The following PTPRZ1 variants were observed in gnomAD, a reference collection of about 807,000 sequenced individuals.
The protein encoded by PTPRZ1 is receptor-type tyrosine-protein phosphatase zeta.
PTPRZ1 carries 82 observed loss-of-function variants against 214.1 expected under a neutral mutation model. That is an observed-to-expected ratio of 0.38 (90% confidence interval 0.32 to 0.46). PTPRZ1 has a LOEUF of 0.46. PTPRZ1 is among the 20% of genes least tolerant of loss of function. The probability of loss-of-function intolerance (pLI) is 1.00; values close to 1 mark genes in which losing one functional copy is unlikely to be tolerated. For synonymous variants in PTPRZ1, 945 were observed against 987.9 expected (o/e 0.96, Z 0.81); for missense variants, 2,603 against 2,748.7 (o/e 0.95, Z 1.19).
In PTPRZ1 at chr7:122,028,627, T is replaced by C; in HGVS notation, c.5064T>C (p.Pro1688=). 1 of 1,534,092 alleles carries C rather than the reference T, an allele frequency of 6.5e-7. No individual in the cohort carries two copies. The highest frequency in any genetic ancestry group is 9.0e-7 in the Non-Finnish European group (1 of 1,107,692). Residue 1688 remains proline, a synonymous_variant, in exon 14 of 30, where the codon CCT becomes CCC. Coordinates refer to ENST00000393386, the MANE Select transcript of PTPRZ1 (RefSeq NM_002851.3). ...GAGTTATATCCACACCTCCAACACCTATCTTTCCAATTTCAGGTAATGGCT... is the reference window on the plus strand; with the variant it reads ...GAGTTATATCCACACCTCCAACACCCATCTTTCCAATTTCAGGTAATGGCT... The part of the protein sequence containing the change: ...SPRVISTPPT[P]IFPISDDVGA...
At chr7:121,928,131 A>G (rs1226427823) in intron 1 of PTPRZ1, 25 bp from the exon 2 acceptor site, 1 of 1,548,684 alleles carries the variant, frequency 6.5e-7, no homozygotes, top group African/African-American at 1.4e-5. Context: ...CTACATACTG[A>G]TTACTTGGTT....
intron 1 of PTPRZ1, among the ~76,000 whole-genome samples, chr7:121,900,334 T>C (rs1794921030): frequency 6.6e-6 from 1 of 152,232 alleles, no homozygotes; most frequent in Non-Finnish European, 1.5e-5. Flanking sequence ...GCCTTGTCTC[T>C]GATACCTTTC....
At chr7:121,878,452 C>T (rs1163379252) in intron 1 of PTPRZ1, among the ~76,000 whole-genome samples, 1 of 152,118 alleles carries the variant, frequency 6.6e-6, no homozygotes, top group East Asian at 1.9e-4. Flanking sequence ...TTGAAGTGTT[C>T]GTGCATGTGA....
At chr7:122,060,974 C>T in intron 29 of PTPRZ1, 106 bp from the exon 30 acceptor site, 1 of 1,084,098 alleles carries the variant, frequency 9.2e-7, no homozygotes, top group East Asian at 2.7e-5. Context: ...AACACATTGC[C>T]CTTTCATGAA....
At chr7:121,887,176 G>A (rs1794422417) in intron 1 of PTPRZ1, among the ~76,000 whole-genome samples, 1 of 152,056 alleles carries the variant, frequency 6.6e-6, no homozygotes. Context: ...CAAGGAGTCT[G>A]GTCTCCTCAT....
intron 21 of PTPRZ1, 62 bp from the exon 22 acceptor site, chr7:122,042,546 C>G: frequency 2.0e-6 from 3 of 1,478,406 alleles, no homozygotes; most frequent in Non-Finnish European, 2.7e-6. Context: ...CAGTAGTGAT[C>G]TATTTTTCAA....
chr7:121,921,028 A>G (rs1469191338), intron 1 of PTPRZ1, among the ~76,000 whole-genome samples: 1 of 152,144 alleles, frequency 6.6e-6, no homozygotes, highest in Non-Finnish European at 1.5e-5. Context: ...AGTTATTTGT[A>G]GGGCATAGGA....
Position 122,054,897 on chromosome 7 carries a change from A to T in PTPRZ1, c.6382-44A>T. 7 of 1,514,988 alleles carry T rather than the reference A, an allele frequency of 4.6e-6. No homozygotes were observed. The African/African-American group carries it at 7.1e-5, about 15-fold the overall frequency. The allele number at this position is 1,514,988 out of a possible 1,614,324, so 93.8% of individuals were successfully genotyped here. ...TATTTCACAATCTGACTTATTGGTC[A>T]TTTTATTAAAATCTAGACTCTTCTT... On this transcript the variant is annotated intron_variant, in intron 26 of 29. Coordinates refer to ENST00000393386, the MANE Select transcript of PTPRZ1 (RefSeq NM_002851.3).
chr7:122,023,621 A>G (rs1483994322), intron 13 of PTPRZ1, among the ~76,000 whole-genome samples: 1 of 131,568 alleles, frequency 7.6e-6, no homozygotes, highest in Non-Finnish European at 1.6e-5. Flanking sequence ...ATAATTATAT[A>G]TATTATATGT....
chr7:122,041,522 ATTGTTGCCAAG>A (rs1799734276), intron 21 of PTPRZ1, among the ~76,000 whole-genome samples: 1 of 147,986 alleles, frequency 6.8e-6, no homozygotes, highest in Non-Finnish European at 1.5e-5. Flanking sequence ...TTGTCAATTC[ATTGTTGCCAAG>A]ATTTTTTAAT....
intron 2 of PTPRZ1, among the ~76,000 whole-genome samples, chr7:121,962,776 G>A (rs1294050900): frequency 1.3e-5 from 2 of 151,848 alleles, no homozygotes; most frequent in African/African-American, 4.8e-5. Flanking sequence ...ATATTGGCCA[G>A]GCTGGTCTCG....
chr7:121,983,925 C>T lies in PTPRZ1; in HGVS notation c.778-42C>T, dbSNP rs750291370. 7.5e-6 allele frequency: 12 copies of T among 1,599,186 alleles called. No homozygotes were observed. In the Admixed American group the frequency reaches 1.9e-4, roughly 25 times the overall value. On this transcript the variant is annotated intron_variant, in intron 7 of 29. Coordinates refer to ENST00000393386, the MANE Select transcript of PTPRZ1 (RefSeq NM_002851.3). ...ATCCATTTTAAAGCATTTACCAATG[C>T]CTTTGAAGCAGATATGTTAAATTAT... is the stretch of plus-strand genomic sequence containing the variant.
rs534139970 is a variant in PTPRZ1, at chr7:121,935,041, G to A, written c.124+6820G>A. On this transcript the variant is annotated intron_variant, in intron 2 of 29. Transcript: ENST00000393386. ...ATTAGCTCAATTTAGTCATTCCACC[G>A]TGTATCCATATTTCACAACCACATG... Among the ~76,000 whole-genome samples, 7 of 152,188 alleles carry A rather than the reference G, an allele frequency of 4.6e-5. No individual in the cohort carries two copies. The South Asian group carries it at 8.3e-4, about 18-fold the overall frequency.
chr7:121,879,371 A>C (rs1332966534), intron 1 of PTPRZ1, among the ~76,000 whole-genome samples: 1 of 152,160 alleles, frequency 6.6e-6, no homozygotes, highest in Non-Finnish European at 1.5e-5. Flanking sequence ...GGGATGCAGG[A>C]TGGTCAGTAA....
intron 11 of PTPRZ1, among the ~76,000 whole-genome samples, chr7:122,008,467 G>A (rs542964510): frequency 6.6e-6 from 1 of 152,184 alleles, no homozygotes; most frequent in African/African-American, 2.4e-5. Flanking sequence ...TCATGATAGG[G>A]ACTAGATCTA....
At chr7:121,886,623 C>G (rs1794406485) in intron 1 of PTPRZ1, among the ~76,000 whole-genome samples, 1 of 152,076 alleles carries the variant, frequency 6.6e-6, no homozygotes, top group South Asian at 2.1e-4. Flanking sequence ...AAATTATTGC[C>G]TAAGGCCAAT....
At chr7:122,044,634 G>C in intron 23 of PTPRZ1, 66 bp downstream of exon 23, 1 of 1,530,080 alleles carries the variant, frequency 6.5e-7, no homozygotes, top group Non-Finnish European at 8.9e-7. Context: ...CTTCTCATTT[G>C]AGTTGACAGG....
At chr7:121,940,732 G>A (rs4731043) in intron 2 of PTPRZ1, among the ~76,000 whole-genome samples, 30,795 of 151,572 alleles carry the variant, frequency 0.2, 3,344 homozygotes, top group African/African-American at 0.24. Flanking sequence ...CTTCTGACAG[G>A]TTTATGTCCA....
chr7:122,043,274 A>T (rs1799786185), intron 22 of PTPRZ1, among the ~76,000 whole-genome samples: 2 of 152,196 alleles, frequency 1.3e-5, no homozygotes, highest in African/African-American at 4.8e-5. Flanking sequence ...TTGTGACCCC[A>T]AATAGGGAAT....
Sources: allele counts gnomAD v4.1 joint callset (sites outside exome capture counted in the v4.1 genomes callset), GRCh38; gene constraint gnomAD v4.1.1; transcripts MANE v1.5; gene names NCBI Gene and HGNC (gene_info 2026-07-23, HGNC 2026-07-21).